The following BPIFA2 variants were observed in gnomAD, a reference collection of about 807,000 sequenced individuals.
The protein encoded by BPIFA2 is BPI fold containing family A member 2.
BPIFA2 carries 20 observed loss-of-function variants against 25.7 expected under a neutral mutation model. That is an observed-to-expected ratio of 0.78 (90% CI 0.55 to 1.13). BPIFA2 has a LOEUF of 1.13. Among genes scored for constraint, BPIFA2 ranks in the 50% most tolerant of loss-of-function variants. BPIFA2 has a pLI of 0.00. For synonymous variants in BPIFA2, 126 were observed against 124.3 expected (o/e 1.01, Z -0.09); for missense variants, 300 against 298.1 (o/e 1.01, Z -0.05).
rs1201273577 is a variant in BPIFA2 at position 33,169,199 on chromosome 20, A to T, written c.54A>T (p.Ser18=). 1.2e-6 allele frequency: 2 copies of T among 1,613,994 alleles called. No individual in the cohort carries two copies. Among genetic ancestry groups the T allele is most frequent in the South Asian group, 2.2e-5 (2 of 91,088 alleles). ...TGTGCGGCGTGCTCACTGGGACCTC[A>T]GAGTCTCTTCTTGACAATCTTGGCA... ...VLLCGVLTGT[S]ESLLDNLGND... Residue 18 remains serine, a synonymous_variant, in exon 2 of 9, where the codon TCA becomes TCT. Coordinates refer to ENST00000354932, the MANE Select transcript of BPIFA2 (RefSeq NM_080574.4).
chr20:33,161,785 G>A (rs1451609237), exon 1 of BPIFA2: 1 of 152,294 alleles, frequency 6.6e-6, no homozygotes, highest in Non-Finnish European at 1.5e-5. Flanking sequence ...TTGCAGGGGG[G>A]TGACATCCTC....
rs752308312 is a variant in BPIFA2, at chr20:33,175,482, C to G, written c.486C>G (p.Pro162=). 22 of 1,614,140 alleles carry G rather than the reference C, an allele frequency of 1.4e-5. No homozygotes were observed. The highest frequency in any genetic ancestry group is 1.8e-5 in the Non-Finnish European group (21 of 1,179,992). Residue 162 remains proline, a synonymous_variant, in exon 5 of 9, where the codon CCC becomes CCG. Transcript: ENST00000354932. ...LLTAVTIETD[P]QTHQPVAVLG... ...CCGCAGTCACAATTGAAACTGATCC[C>G]CAGACACACCAGCCTGTTGCCGTCC...
intron 6 of BPIFA2, among the ~76,000 whole-genome samples, chr20:33,179,026 T>G (rs995095529): frequency 2.0e-5 from 3 of 152,162 alleles, no homozygotes; most frequent in African/African-American, 4.8e-5. Context: ...ATGTTAACAA[T>G]CTAGAATGTA....
At position 33,180,623 on chromosome 20, in the gene BPIFA2, A is replaced by G. The variant is rs1463169471; in HGVS notation, c.*37+26A>G. On this transcript the variant is annotated intron_variant, in intron 8 of 8. Transcript: ENST00000354932. ...GTGAGGAGCCAGTCTCTGTGCCCCAATGCACAGGGGCCTATGGTGAAGTAA... is the reference window on the plus strand; with the variant it reads ...GTGAGGAGCCAGTCTCTGTGCCCCAGTGCACAGGGGCCTATGGTGAAGTAA... The G allele has an allele frequency of 5.3e-6, 8 of 1,504,270 alleles. No individual in the cohort carries two copies. In the East Asian group the frequency reaches 1.4e-4, roughly 25 times the overall value. The allele number at this position is 1,504,270 out of a possible 1,614,324, so 93.2% of individuals were successfully genotyped here. A position where few individuals can be genotyped will look rare whatever the true frequency, so the allele number is the denominator to read the frequency against.
At chr20:33,174,772 G>A (rs1227044225) in intron 4 of BPIFA2, among the ~76,000 whole-genome samples, 1 of 152,142 alleles carries the variant, frequency 6.6e-6, no homozygotes, top group Non-Finnish European at 1.5e-5. Context: ...TTAACCAGGT[G>A]TGGCAGCACA....
In BPIFA2 at chr20:33,178,161, TCAA is replaced by T. The variant is rs779319559; in HGVS notation, c.582_584del (p.Asn194del). ...GTGTTTTCCAGACACAGCCAAATCA[TCAA>T]CAAGTTCGTGAATAGCGTGATCAAC... On this transcript the variant is annotated inframe_deletion, in exon 6 of 9. Coordinates refer to ENST00000354932, the MANE Select transcript of BPIFA2 (RefSeq NM_080574.4). 7.5e-6 allele frequency: 12 copies of T among 1,604,910 alleles called. No homozygotes were observed. In the South Asian group the frequency reaches 8.9e-5, roughly 12 times the overall value.
chr20:33,166,465 G>T (rs181128283), upstream of BPIFA2, among the ~76,000 whole-genome samples: 1 of 152,188 alleles, frequency 6.6e-6, no homozygotes, highest in Admixed American at 6.5e-5. Context: ...TGCATCATGG[G>T]CCTACCCTAT....
intron 6 of BPIFA2, 53 bp from the exon 7 acceptor site, chr20:33,179,551 T>C: frequency 6.9e-7 from 1 of 1,451,968 alleles, no homozygotes; most frequent in East Asian, 2.3e-5. Context: ...AGAAGAATGA[T>C]CTGTTCTTCC....
intron 7 of BPIFA2, 126 bp from the exon 8 acceptor site, chr20:33,180,394 G>A: frequency 2.0e-6 from 2 of 991,962 alleles, no homozygotes; most frequent in Non-Finnish European, 3.2e-6. Flanking sequence ...TCAGAGAGGT[G>A]GAGCAACATC....
At chr20:33,175,350 C>G (rs896732053) in intron 4 of BPIFA2, 57 bp from the exon 5 acceptor site, 12 of 1,544,490 alleles carry the variant, frequency 7.8e-6, no homozygotes, top group Non-Finnish European at 1.1e-5. Flanking sequence ...AGGAACCCAA[C>G]TGGGCAACAG....
upstream of BPIFA2, among the ~76,000 whole-genome samples, chr20:33,164,663 CCTCT>C (rs1983673848): frequency 6.6e-6 from 1 of 151,614 alleles, no homozygotes. Flanking sequence ...CTCTTTCCTT[CCTCT>C]CTCTTTTTTC....
At chr20:33,164,840 C>G (rs1983679880), upstream of BPIFA2, among the ~76,000 whole-genome samples, 1 of 152,216 alleles carries the variant, frequency 6.6e-6, no homozygotes, top group Admixed American at 6.5e-5. Flanking sequence ...GGTGAAAACT[C>G]CTTTAAATTT....
At chr20:33,175,350 C>A in intron 4 of BPIFA2, 57 bp from the exon 5 acceptor site, 1 of 1,544,602 alleles carries the variant, frequency 6.5e-7, no homozygotes, top group South Asian at 1.2e-5. Context: ...AGGAACCCAA[C>A]TGGGCAACAG....
intron 1 of BPIFA2, chr20:33,161,937 C>T (rs1983591775): frequency 6.6e-6 from 1 of 152,110 alleles, no homozygotes; most frequent in Non-Finnish European, 1.5e-5. Flanking sequence ...CTTCGAGGGT[C>T]CCGGACGAAA....
At chr20:33,164,311 AG>A, upstream of BPIFA2, among the ~76,000 whole-genome samples, 1 of 152,318 alleles carries the variant, frequency 6.6e-6, no homozygotes, top group South Asian at 2.1e-4. Flanking sequence ...GCCAAATTCC[AG>A]GGAGTGAGGT....
chr20:33,162,388 G>A (rs1266075993), intron 1 of BPIFA2, among the ~76,000 whole-genome samples: 4 of 152,118 alleles, frequency 2.6e-5, no homozygotes, highest in Non-Finnish European at 4.4e-5. Flanking sequence ...TACTAGCCAG[G>A]ATTAGCACCG....
At chr20:33,162,341 C>T (rs531657000) in intron 1 of BPIFA2, among the ~76,000 whole-genome samples, 11 of 152,252 alleles carry the variant, frequency 7.2e-5, no homozygotes, top group Admixed American at 4.6e-4. Flanking sequence ...CTCCAGGATT[C>T]TGCATTCCCC....
chr20:33,170,748 G>C (rs1190828536), intron 2 of BPIFA2, among the ~76,000 whole-genome samples: 2 of 152,154 alleles, frequency 1.3e-5, no homozygotes, highest in Non-Finnish European at 2.9e-5. Flanking sequence ...AAGACACTTT[G>C]TCCTCCTCCT....
rs142458594 is a variant in BPIFA2 at position 33,174,149 on chromosome 20, C to A, written c.373C>A (p.Leu125Met). The A allele has an allele frequency of 1.9e-6, 3 of 1,614,072 alleles. No homozygotes were observed. In the African/African-American group the frequency reaches 4.0e-5, roughly 22 times the overall value. ...GATCGATGATGGCAAAGGCCTTAACCTGAGCTTCCCTGTCACCGCGAATGT... is the reference window on the plus strand; with the variant it reads ...GATCGATGATGGCAAAGGCCTTAACATGAGCTTCCCTGTCACCGCGAATGT... ...EPIDDGKGLN[L>M]SFPVTANVTV... Residue 125 changes from leucine to methionine, a missense_variant, in exon 4 of 9, where the codon CTG becomes ATG. Transcript: ENST00000354932.
Sources: gnomAD v4.1 joint callset for allele counts (sites outside exome capture counted in the v4.1 genomes callset) on GRCh38, gnomAD v4.1.1 for gene constraint, MANE v1.5 for transcripts, NCBI Gene and HGNC (gene_info 2026-07-23, HGNC 2026-07-21) for gene names.